RET: variants seen among roughly 807,000 people sequenced by gnomAD.
The protein encoded by RET is ret proto-oncogene.
RET carries 19 observed loss-of-function variants against 118.3 expected under a neutral mutation model. The ratio of observed to expected loss-of-function variants is 0.16; its 90% CI spans 0.11 to 0.24. RET has a LOEUF of 0.24. Ranked by LOEUF, RET falls within the 10% of genes least tolerant of loss-of-function variation. The probability of loss-of-function intolerance (pLI) is 1.00; values close to 1 mark genes in which losing one functional copy is unlikely to be tolerated. For synonymous variants in RET, 597 were observed against 644.1 expected, an observed-to-expected ratio of 0.93 and a Z score of 1.11; for missense variants, 1,219 against 1,502.1, an observed-to-expected ratio of 0.81 and a Z score of 3.12.
At chr10:43,115,197 C>T (rs1838043941) in intron 11 of RET, among the ~76,000 whole-genome samples, 1 of 152,216 alleles carries the variant, frequency 6.6e-6, no homozygotes, top group Admixed American at 6.5e-5. Flanking sequence ...GAAGCCAAGC[C>T]CAGTTCTGGA....
At position 43,104,880 on chromosome 10, in the gene RET, C is replaced by T. The variant is rs962091845; in HGVS notation, c.626-72C>T. On this transcript the variant is annotated intron_variant, in intron 3 of 19. Transcript: ENST00000355710. Reference sequence around the variant, plus strand: ...GCGCCCCGCTCTGACCGCAGAGCCCCCTTCCCGAGGAAAGCGGCTGGCCCG... The same window carrying T: ...GCGCCCCGCTCTGACCGCAGAGCCCTCTTCCCGAGGAAAGCGGCTGGCCCG... 2.5e-5 allele frequency: 38 copies of T among 1,514,110 alleles called. No individual in the cohort carries two copies. The African/African-American group carries it at 4.6e-4, about 18-fold the overall frequency. The allele number at this position is 1,514,110 out of a possible 1,614,324, so 93.8% of individuals were successfully genotyped here.
At chr10:43,126,500 G>C (rs746752594) in intron 18 of RET, 75 bp from the exon 19 acceptor site, 32 of 1,309,714 alleles carry the variant, frequency 2.4e-5, no homozygotes, top group Admixed American at 5.0e-5. Flanking sequence ...CTGCCCTGAG[G>C]ATGGCTTGTT....
At chr10:43,126,455 G>A (rs1240372611) in intron 18 of RET, 120 bp from the exon 19 acceptor site, 1 of 926,134 alleles carries the variant, frequency 1.1e-6, no homozygotes, top group African/African-American at 1.6e-5. Flanking sequence ...GAGAGGTCAG[G>A]AGATTGGTGC....
rs751749625 is a variant in RET, at chr10:43,111,502, T to TG, written c.1522+42dup. ...CTCCAGGGAGGGAGGGTCGGGGTCCTGGGGGCTTCTGGAGCCTGGGCCTCC... is the reference window on the plus strand; with the variant it reads ...CTCCAGGGAGGGAGGGTCGGGGTCCTGGGGGGCTTCTGGAGCCTGGGCCTCC... On this transcript the variant is annotated intron_variant, in intron 7 of 19. Coordinates refer to ENST00000355710, the MANE Select transcript of RET (RefSeq NM_020975.6). 6.9e-6 allele frequency: 11 copies of TG among 1,592,616 alleles called. No homozygotes were observed. The highest frequency in any genetic ancestry group is 9.4e-6 in the Non-Finnish European group (11 of 1,167,698).
chr10:43,116,151 G>T (rs1258618469), intron 11 of RET, among the ~76,000 whole-genome samples: 1 of 152,240 alleles, frequency 6.6e-6, no homozygotes, highest in Non-Finnish European at 1.5e-5. Context: ...AGGGCCAGTG[G>T]CAGCCCTTGA....
chr10:43,113,004 T>C (rs1837977114), intron 9 of RET, 41 bp downstream of exon 9: 5 of 1,544,874 alleles, frequency 3.2e-6, no homozygotes, highest in Middle Eastern at 1.7e-4. Flanking sequence ...AGGTAGGAGA[T>C]AGTAGGGGAA....
At chr10:43,112,255 G>A (rs1482626794) in intron 8 of RET, 31 bp downstream of exon 8, 4 of 1,550,758 alleles carry the variant, frequency 2.6e-6, no homozygotes, top group Non-Finnish European at 3.5e-6. Context: ...AGGGAGGCCT[G>A]CAGGGGCGAT....
intron 7 of RET, 89 bp from the exon 8 acceptor site, chr10:43,112,010 T>A (rs1324466668): frequency 2.6e-6 from 4 of 1,528,522 alleles, no homozygotes; most frequent in Non-Finnish European, 3.5e-6. Context: ...CGTGGGCAGC[T>A]CAGCTGGTGC....
chr10:43,088,241 T>G (rs371769939), intron 1 of RET, among the ~76,000 whole-genome samples: 3,886 of 149,934 alleles, frequency 0.026, 100 homozygotes, highest in East Asian at 0.091. Flanking sequence ...ATGGTGGTGG[T>G]GATGGTGGTG....
In RET at chr10:43,126,698, A is replaced by G. The variant is rs1439440590; in HGVS notation, c.3163A>G (p.Thr1055Ala). The change falls in exon 19 of 20, where the codon ACA (threonine) becomes GCA (alanine). Residue 1055 changes from threonine to alanine, a missense_variant. Transcript: ENST00000355710. ...CCCCCTCCCTCGAGCCCTCCCTTCC[A>G]CATGGATTGAAAACAAACTCTATGG... ...NAPLPRALPSTWIENKLYGMS... is the reference protein window; with the variant it reads ...NAPLPRALPSAWIENKLYGMS... 3.7e-6 allele frequency: 6 copies of G among 1,613,738 alleles called. No individual in the cohort carries two copies. Among genetic ancestry groups the G allele is most frequent in the African/African-American group, 1.3e-5 (1 of 74,812 alleles).
chr10:43,103,390 C>CCGGGATA (rs1334138249), intron 3 of RET, among the ~76,000 whole-genome samples: 2 of 152,084 alleles, frequency 1.3e-5, no homozygotes, highest in Admixed American at 6.6e-5. Flanking sequence ...GGGTGTGATG[C>CCGGGATA]CGGGATACGG....
rs138624658 is a variant in RET, at chr10:43,111,367, G to A, written c.1424G>A (p.Arg475Gln). Residue 475 changes from arginine (R) to glutamine (Q), a missense_variant, in exon 7 of 20, where the codon CGG becomes CAG. Coordinates refer to ENST00000355710, the MANE Select transcript of RET (RefSeq NM_020975.6). Reference sequence around the variant, plus strand: ...GTGAATGACACCAAGGCCCTGCGGCGGCCCAAGTGTGCCGAACTTCACTAC... The same window carrying A: ...GTGAATGACACCAAGGCCCTGCGGCAGCCCAAGTGTGCCGAACTTCACTAC... ...LFVNDTKALR[R>Q]PKCAELHYMV... The A allele has an allele frequency of 9.3e-6, 15 of 1,613,898 alleles. No individual in the cohort carries two copies. The highest frequency in any genetic ancestry group is 6.7e-5 in the East Asian group (3 of 44,894).
chr10:43,099,211 T>C (rs1837582423), intron 1 of RET, among the ~76,000 whole-genome samples: 1 of 151,956 alleles, frequency 6.6e-6, no homozygotes, highest in South Asian at 2.1e-4. Flanking sequence ...GTTATTTAGG[T>C]AAAAATTACA....
At chr10:43,090,932 T>C (rs902595745) in intron 1 of RET, among the ~76,000 whole-genome samples, 3 of 150,990 alleles carry the variant, frequency 2.0e-5, no homozygotes, top group African/African-American at 4.9e-5. Flanking sequence ...GTCTCATGAG[T>C]GGACAGCAGC....
intron 16 of RET, among the ~76,000 whole-genome samples, chr10:43,122,608 CT>C (rs145784226): frequency 0.017 from 2,512 of 152,186 alleles, 80 homozygotes; most frequent in African/African-American, 0.058. Flanking sequence ...ATGTGCCTCT[CT>C]TTTTTTGTGG....
chr10:43,083,807 A>G (rs946200068), intron 1 of RET, among the ~76,000 whole-genome samples: 8 of 152,246 alleles, frequency 5.3e-5, no homozygotes, highest in African/African-American at 9.6e-5. Flanking sequence ...TTTGTGTAAC[A>G]TAAGTTTAAC....
chr10:43,106,272 A>G lies in RET; in HGVS notation c.868-104A>G, dbSNP rs1837771940. The G allele has an allele frequency of 8.9e-7, 1 of 1,124,856 alleles. No individual in the cohort carries two copies. Among genetic ancestry groups the G allele is most frequent in the Admixed American group, 1.9e-5 (1 of 52,794 alleles). The allele number at this position is 1,124,856 out of a possible 1,614,324, so 69.7% of individuals were successfully genotyped here. On this transcript the variant is annotated intron_variant, in intron 4 of 19. Coordinates refer to ENST00000355710, the MANE Select transcript of RET (RefSeq NM_020975.6). This position sits in a 1 kb window ranked among gnomAD's most constrained non-coding sequence, Gnocchi z 5.1. ...GGCTCTGACAACACACATCTGGTCC[A>G]CCTATGGGCTGTGTGGGACGTGCAG...
rs377767397 is a variant in RET at position 43,113,628 on chromosome 10, G to A, written c.1832G>A (p.Cys611Tyr). The change falls in exon 10 of 20, where the codon TGC becomes TAC. Residue 611 changes from cysteine to tyrosine, a missense_variant. Coordinates refer to ENST00000355710, the MANE Select transcript of RET (RefSeq NM_020975.6). ...GIKAGYGTCN[C>Y]FPEEEKCFCE... Reference sequence around the variant, plus strand: ...AAAGCTGGCTATGGCACCTGCAACTGCTTCCCTGAGGAGGAGAAGTGCTTC... The same window carrying A: ...AAAGCTGGCTATGGCACCTGCAACTACTTCCCTGAGGAGGAGAAGTGCTTC... The A allele has an allele frequency of 6.2e-7, 1 of 1,613,342 alleles. No homozygotes were observed. Among genetic ancestry groups the A allele is most frequent in the Non-Finnish European group, 8.5e-7 (1 of 1,179,830 alleles).
chr10:43,083,434 C>T (rs1020275762), intron 1 of RET, among the ~76,000 whole-genome samples: 1 of 152,224 alleles, frequency 6.6e-6, no homozygotes, highest in Non-Finnish European at 1.5e-5. Context: ...CTGGCATGGC[C>T]CTTACCCACT....
Sources: gnomAD v4.1 joint callset for allele counts (sites outside exome capture counted in the v4.1 genomes callset) on GRCh38, gnomAD v4.1.1 for gene constraint, Gnocchi (gnomAD v3.1) non-coding constraint, MANE v1.5 for transcripts, NCBI Gene and HGNC (gene_info 2026-07-23, HGNC 2026-07-21) for gene names.